MTR: variants seen among roughly 807,000 people sequenced by gnomAD.
The protein encoded by MTR is methionine synthase.
Under a neutral mutation model 154.8 loss-of-function variants are expected in MTR, and 84 were observed. The ratio of observed to expected loss-of-function variants is 0.54; its 90% CI spans 0.45 to 0.65. The LOEUF (loss-of-function observed/expected upper bound fraction) is 0.65, where lower values mean the gene tolerates loss of function less well. MTR is among the 30% of genes least tolerant of loss of function. The probability of loss-of-function intolerance (pLI) is 0.00; values close to 1 mark genes in which losing one functional copy is unlikely to be tolerated. For synonymous variants in MTR, 554 were observed against 553.9 expected, an observed-to-expected ratio of 1.00 and a Z score of 0.00; for missense variants, 1,275 against 1,570.2, an observed-to-expected ratio of 0.81 and a Z score of 3.18.
At chr1:236,859,073 G>A (rs1048495270) in intron 18 of MTR, among the ~76,000 whole-genome samples, 6 of 152,102 alleles carry the variant, frequency 3.9e-5, no homozygotes, top group Admixed American at 3.9e-4. Flanking sequence ...GTTTTCTTTG[G>A]CTCTAACGGA....
chr1:236,880,763 C>G lies in MTR; in HGVS notation c.2603C>G (p.Thr868Arg). ...CTGACCCTTCTTTTTAGAACCCACACAGCAGTTAAAATAGCTCCGAGATAC... is the reference window on the plus strand; with the variant it reads ...CTGACCCTTCTTTTTAGAACCCACAGAGCAGTTAAAATAGCTCCGAGATAC... ...IGGATTSKTH[T>R]AVKIAPRYSA... Residue 868 changes from threonine to arginine, a missense_variant, in exon 25 of 33, where the codon ACA (threonine) becomes AGA (arginine). Thr to Arg is a moderately conservative substitution (Grantham distance 71, BLOSUM62 -1). Transcript: ENST00000366577. 1 of 1,614,048 alleles carries G rather than the reference C, an allele frequency of 6.2e-7. No individual in the cohort carries two copies. The highest frequency in any genetic ancestry group is 8.5e-7 in the Non-Finnish European group (1 of 1,179,928).
chr1:236,810,664 C>A, intron 5 of MTR, 69 bp downstream of exon 5: 2 of 1,308,490 alleles, frequency 1.5e-6, no homozygotes, highest in Non-Finnish European at 1.1e-6. Flanking sequence ...AGCTATAAAT[C>A]TGTAAAATGG....
chr1:236,853,335 A>G (rs1202455741), intron 18 of MTR, among the ~76,000 whole-genome samples: 5 of 152,234 alleles, frequency 3.3e-5, no homozygotes, highest in Admixed American at 6.5e-5. Context: ...AAAATGTAAA[A>G]TTAATTTTTC....
intron 5 of MTR, among the ~76,000 whole-genome samples, chr1:236,810,810 A>G (rs1661259233): frequency 6.6e-6 from 1 of 152,198 alleles, no homozygotes; most frequent in South Asian, 2.1e-4. Flanking sequence ...TTGCTTTCAA[A>G]TATATATGGT....
intron 15 of MTR, among the ~76,000 whole-genome samples, chr1:236,843,435 C>T (rs1277368208): frequency 1.3e-5 from 2 of 152,254 alleles, no homozygotes; most frequent in East Asian, 3.9e-4. Flanking sequence ...TCACATAGGG[C>T]CTTGGAGGCC....
intron 24 of MTR, among the ~76,000 whole-genome samples, chr1:236,875,183 T>A (rs1184724966): frequency 6.6e-6 from 1 of 152,232 alleles, no homozygotes; most frequent in Non-Finnish European, 1.5e-5. Context: ...AGAAGCTGTG[T>A]TTTTTGGCAC....
At chr1:236,835,794 T>A (rs895154858) in intron 14 of MTR, 107 bp downstream of exon 14, 4 of 1,466,884 alleles carry the variant, frequency 2.7e-6, no homozygotes. Flanking sequence ...ACTGGTTTTC[T>A]GTTTCTCAAC....
In MTR at chr1:236,859,878, A is replaced by G; in HGVS notation, c.1999A>G (p.Arg667Gly). Residue 667 changes from arginine to glycine, a missense_variant, in exon 19 of 33, where the codon AGA becomes GGA. Physicochemically the swap from Arg to Gly is moderately radical, Grantham distance 125. Transcript: ENST00000366577. ...GAAAGTCATTCAGACTGATGAGTGGAGAAATGGCCCTGTCGAAGAACGCCT... is the reference window on the plus strand; with the variant it reads ...GAAAGTCATTCAGACTGATGAGTGGGGAAATGGCCCTGTCGAAGAACGCCT... ...GKKVIQTDEW[R>G]NGPVEERLEY... 1 of 1,614,034 alleles carries G rather than the reference A, an allele frequency of 6.2e-7. No homozygotes were observed.
intron 7 of MTR, among the ~76,000 whole-genome samples, chr1:236,816,149 C>T (rs2103060733): frequency 1.3e-5 from 2 of 152,318 alleles, no homozygotes. Flanking sequence ...TTGATGTTAT[C>T]TCTGGGAAAT....
chr1:236,879,268 C>G (rs778282882), intron 24 of MTR, among the ~76,000 whole-genome samples: 30 of 152,230 alleles, frequency 2.0e-4, no homozygotes, highest in Admixed American at 5.2e-4. Context: ...CGATGTGTAT[C>G]TTCCTGTGTT....
Position 236,795,374 on chromosome 1 carries a change from T to G in MTR, c.-330T>G. On this transcript the variant is annotated 5_prime_UTR_variant, in exon 1 of 33. Transcript: ENST00000366577. ...ACGTCGTCCTCCTCTGCCGGTTTTC[T>G]CTTGGGTCCTTTTCCGTGCCGTCCC... 1 of 1,385,972 alleles carries G rather than the reference T, an allele frequency of 7.2e-7. No homozygotes were observed. The highest frequency in any genetic ancestry group is 1.2e-5 in the South Asian group (1 of 81,508). The allele number at this position is 1,385,972 out of a possible 1,614,324, so 85.9% of individuals were successfully genotyped here.
chr1:236,853,219 T>G, intron 18 of MTR, 131 bp downstream of exon 18: 2 of 1,151,060 alleles, frequency 1.7e-6, no homozygotes, highest in Non-Finnish European at 2.6e-6. Flanking sequence ...TGAAGATTTC[T>G]ACAGAGAGTT....
chr1:236,820,044 G>A (rs1661833386), intron 8 of MTR: 1 of 820,114 alleles, frequency 1.2e-6, no homozygotes, highest in African/African-American at 1.7e-5. Context: ...TCTCATGGAG[G>A]CATCTTTATG....
intron 22 of MTR, among the ~76,000 whole-genome samples, chr1:236,865,954 C>T (rs976526989): frequency 2.6e-5 from 4 of 152,262 alleles, no homozygotes; most frequent in East Asian, 1.9e-4. Context: ...ATCATAGTCA[C>T]ATGGCTAGCA....
intron 15 of MTR, among the ~76,000 whole-genome samples, chr1:236,845,011 A>G (rs892074354): frequency 4.6e-5 from 7 of 152,164 alleles, no homozygotes; most frequent in Non-Finnish European, 7.4e-5. Flanking sequence ...ATTCTCATGT[A>G]TCTTTTGGTT....
rs943214441 is a variant in MTR at position 236,826,885 on chromosome 1, A to G, written c.984A>G (p.Pro328=). ...NIVGGCCGST[P]DHIREIAEAV... is the part of the protein sequence containing the mutation. Reference sequence around the variant, plus strand: ...TTGGAGGATGCTGTGGGTCAACACCAGATCATATCAGGTAATAATCACCTA... The same window carrying G: ...TTGGAGGATGCTGTGGGTCAACACCGGATCATATCAGGTAATAATCACCTA... The change falls in exon 11 of 33, where the codon CCA becomes CCG. Residue 328 remains proline (P), a synonymous_variant. Transcript: ENST00000366577. 17 of 1,613,416 alleles carry G rather than the reference A, an allele frequency of 1.1e-5. No homozygotes were observed. The highest frequency in any genetic ancestry group is 1.4e-5 in the Non-Finnish European group (16 of 1,179,446).
At chr1:236,897,469 A>G in intron 32 of MTR, 89 bp from the exon 33 acceptor site, 1 of 1,183,728 alleles carries the variant, frequency 8.4e-7, no homozygotes, top group Non-Finnish European at 1.3e-6. Context: ...AATGCAAGGT[A>G]CTTAATGTTT....
At chr1:236,850,207 G>A (rs1292528015) in intron 15 of MTR, 137 bp from the exon 16 acceptor site, 6 of 490,978 alleles carry the variant, frequency 1.2e-5, no homozygotes, top group Non-Finnish European at 1.8e-5. Context: ...TTTTCAGTGA[G>A]TGAAATGTGC....
At chr1:236,854,966 C>T (rs1357688032) in intron 18 of MTR, among the ~76,000 whole-genome samples, 2 of 152,186 alleles carry the variant, frequency 1.3e-5, no homozygotes, top group African/African-American at 4.8e-5. Context: ...ACGAGGGCTT[C>T]TTATAAGCCA....
Sources: gnomAD v4.1 joint callset for allele counts (sites outside exome capture counted in the v4.1 genomes callset) on GRCh38, gnomAD v4.1.1 for gene constraint, MANE v1.5 for transcripts, NCBI Gene and HGNC (gene_info 2026-07-23, HGNC 2026-07-21) for gene names.